The following GPX6 variants were observed in gnomAD, a reference collection of about 807,000 sequenced individuals.
The protein encoded by GPX6 is glutathione peroxidase 6.
In GPX6, 21 loss-of-function variants were observed where a neutral mutation model predicts 20.0. That is an observed-to-expected ratio of 1.05 (90% confidence interval 0.74 to 1.51). The LOEUF is 1.51. GPX6 is among the 40% of genes most tolerant of loss of function. The probability of loss-of-function intolerance (pLI) is 0.00; values close to 1 mark genes in which losing one functional copy is unlikely to be tolerated. For synonymous variants in GPX6, 75 were observed against 98.0 expected (o/e 0.77, Z 1.38); for missense variants, 233 against 254.7 (o/e 0.91, Z 0.58).
chr6:28,511,762 G>T (rs1020107261), intron 1 of GPX6, among the ~76,000 whole-genome samples: 3 of 152,262 alleles, frequency 2.0e-5, no homozygotes, highest in African/African-American at 7.2e-5. Context: ...CCTTCAGCCC[G>T]CGGCTGCACT....
chr6:28,513,346 G>A lies in GPX6; in HGVS notation c.87+2311C>T, dbSNP rs34931542. 8.5e-3 allele frequency among the ~76,000 whole-genome samples: 1,299 copies of A among 152,280 alleles called. 12 individuals carry two copies. The highest frequency in any genetic ancestry group is 0.066 in the East Asian group (339 of 5,172). On this transcript the variant is annotated intron_variant, in intron 1 of 4. Transcript: ENST00000361902. ...GTAACACACGCCCACTGGGGCTTCA[G>A]TTGTAAACATTCACTCCTAGACACT... is the stretch of plus-strand genomic sequence containing the variant.
chr6:28,510,755 A>T lies in GPX6; in HGVS notation c.237T>A (p.Tyr79Ter). 2 of 1,613,370 alleles carry T rather than the reference A, an allele frequency of 1.2e-6. No individual in the cohort carries two copies. Among genetic ancestry groups the T allele is most frequent in the Non-Finnish European group, 1.7e-6 (2 of 1,179,854 alleles). Reference protein sequence around the residue: ...VAAYUGLAAQYPELNALQEEL... With the variant: ...VAAYUGLAAQ Reference sequence around the variant, plus strand: ...AGTTGAAACGTGAGTTCTTACCAGGATACTGAGCTGCCAAGCCTCAATAGG... The same window carrying T: ...AGTTGAAACGTGAGTTCTTACCAGGTTACTGAGCTGCCAAGCCTCAATAGG... Residue 79 changes from tyrosine (Y) to a stop codon, truncating the protein, a stop_gained, in exon 2 of 5, where the codon TAT becomes TAA. Coordinates refer to ENST00000361902, the MANE Select transcript of GPX6 (RefSeq NM_182701.1). LOFTEE classifies it high-confidence loss of function.
intron 1 of GPX6, among the ~76,000 whole-genome samples, chr6:28,514,465 C>G (rs1354817745): frequency 2.0e-5 from 3 of 152,126 alleles, no homozygotes; most frequent in South Asian, 2.1e-4. Context: ...ATCTGATGAC[C>G]CTTGGAGGTT....
chr6:28,507,079 A>T (rs977858009), intron 2 of GPX6, among the ~76,000 whole-genome samples: 1 of 152,150 alleles, frequency 6.6e-6, no homozygotes, highest in South Asian at 2.1e-4. Flanking sequence ...ATGCCCTGGA[A>T]CACTCCCTGG....
At chr6:28,508,768 C>T (rs762808525) in intron 2 of GPX6, among the ~76,000 whole-genome samples, 28 of 152,262 alleles carry the variant, frequency 1.8e-4, no homozygotes, top group Non-Finnish European at 4.1e-4. Context: ...GATTGTGCCC[C>T]TGCACTCCAG....
At position 28,503,914 on chromosome 6, in the gene GPX6, G is replaced by A. The variant is rs905438336; in HGVS notation, c.*378C>T. 1.1e-5 allele frequency: 2 copies of A among 177,950 alleles called. No individual in the cohort carries two copies. The highest frequency in any genetic ancestry group is 4.7e-5 in the African/African-American group (2 of 42,138). The allele number at this position is 177,950 out of a possible 1,614,324, so 11.0% of individuals were successfully genotyped here. A position where few individuals can be genotyped will look rare whatever the true frequency, so the allele number is the denominator to read the frequency against. Reference sequence around the variant, plus strand: ...CAACTTCTCGGGATTGCTTTTTTAGGGACACAGGATAGTCTGATTCATCTA... The same window carrying A: ...CAACTTCTCGGGATTGCTTTTTTAGAGACACAGGATAGTCTGATTCATCTA... On this transcript the variant is annotated 3_prime_UTR_variant, in exon 5 of 5. Transcript: ENST00000361902.
intron 1 of GPX6, among the ~76,000 whole-genome samples, chr6:28,512,635 C>A (rs1762908000): frequency 6.6e-6 from 1 of 152,188 alleles, no homozygotes; most frequent in African/African-American, 2.4e-5. Flanking sequence ...AGTGGCAGCC[C>A]CCGTGGGTCC....
intron 1 of GPX6, among the ~76,000 whole-genome samples, chr6:28,513,170 A>C (rs1410588671): frequency 6.6e-6 from 1 of 152,152 alleles, no homozygotes; most frequent in Non-Finnish European, 1.5e-5. Context: ...AAAACCTTGC[A>C]CTTATTCTCC....
rs1762806620 is a variant in GPX6 at position 28,506,371 on chromosome 6, G to A, written c.300C>T (p.Pro100=). 2.5e-6 allele frequency: 4 copies of A among 1,613,998 alleles called. No homozygotes were observed. The highest frequency in any genetic ancestry group is 3.4e-6 in the Non-Finnish European group (4 of 1,179,898). The part of the protein sequence containing the change: ...KNFGVIVLAF[P]CNQFGKQEPG... ...GTTCTTGTTTTCCAAACTGGTTGCA[G>A]GGAAAGGCCAACACAATGACACCAA... Residue 100 remains proline (P), a synonymous_variant, in exon 3 of 5, where the codon CCC becomes CCT. Transcript: ENST00000361902.
intron 1 of GPX6, among the ~76,000 whole-genome samples, chr6:28,511,259 T>C (rs1442462201): frequency 6.6e-6 from 1 of 152,230 alleles, no homozygotes; most frequent in Non-Finnish European, 1.5e-5. Context: ...TTAACAGATT[T>C]TGCAGGATTT....
intron 1 of GPX6, among the ~76,000 whole-genome samples, chr6:28,513,220 A>G (rs1296120257): frequency 2.6e-5 from 4 of 152,194 alleles, no homozygotes; most frequent in Non-Finnish European, 2.9e-5. Context: ...AAACCAAGGC[A>G]AGATCCCTGG....
intron 1 of GPX6, among the ~76,000 whole-genome samples, chr6:28,512,629 G>A (rs1562001450): frequency 6.6e-6 from 1 of 152,200 alleles, no homozygotes; most frequent in Non-Finnish European, 1.5e-5. Flanking sequence ...GCCAGCAGTG[G>A]CAGCCCCCGT....
At chr6:28,512,665 T>C (rs1312870158) in intron 1 of GPX6, among the ~76,000 whole-genome samples, 1 of 152,146 alleles carries the variant, frequency 6.6e-6, no homozygotes, top group African/African-American at 2.4e-5. Context: ...CTGTGGGAGC[T>C]TTGTTCTTTC....
Position 28,504,020 on chromosome 6 carries a change from C to G in GPX6, c.*272G>C. 2.7e-6 allele frequency: 1 copy of G among 374,536 alleles called. No homozygotes were observed. Among genetic ancestry groups the G allele is most frequent in the African/African-American group, 2.8e-5 (1 of 36,180 alleles). The allele number at this position is 374,536 out of a possible 1,614,324, so 23.2% of individuals were successfully genotyped here. Reference sequence around the variant, plus strand: ...GATAGGTGTTCTTTTCCTTAATCTTCAAACACACACACACACACACACACA... The same window carrying G: ...GATAGGTGTTCTTTTCCTTAATCTTGAAACACACACACACACACACACACA... On this transcript the variant is annotated 3_prime_UTR_variant, in exon 5 of 5. Coordinates refer to ENST00000361902, the MANE Select transcript of GPX6 (RefSeq NM_182701.1).
intron 1 of GPX6, among the ~76,000 whole-genome samples, chr6:28,512,952 T>C (rs1416742992): frequency 6.6e-6 from 1 of 151,730 alleles, no homozygotes; most frequent in South Asian, 2.1e-4. Flanking sequence ...CATCCGAACA[T>C]CAGAAGGAAC....
chr6:28,510,850 G>C lies in GPX6; in HGVS notation c.142C>G (p.Leu48Val), dbSNP rs1393352377. Residue 48 changes from leucine to valine, a missense_variant, in exon 2 of 5, where the codon CTC becomes GTC. Coordinates refer to ENST00000361902, the MANE Select transcript of GPX6 (RefSeq NM_182701.1). ...AATTGGATGTACTCCTCGCCGTTGA[G>C]GGTGAGGGCTCCATACTCATAGATG... Reference protein sequence around the residue: ...GTIYEYGALTLNGEEYIQFKQ... With the variant: ...GTIYEYGALTVNGEEYIQFKQ... 1.2e-6 allele frequency: 2 copies of C among 1,613,838 alleles called. No homozygotes were observed. The highest frequency in any genetic ancestry group is 2.2e-5 in the East Asian group (1 of 44,870).
chr6:28,507,281 C>G (rs1762816307), intron 2 of GPX6, among the ~76,000 whole-genome samples: 1 of 152,228 alleles, frequency 6.6e-6, no homozygotes, highest in African/African-American at 2.4e-5. Flanking sequence ...AGAACCTCCT[C>G]TTAAATAGAG....
chr6:28,504,462 A>C lies in GPX6; in HGVS notation c.496T>G (p.Ser166Ala). 1 of 1,614,178 alleles carries C rather than the reference A, an allele frequency of 6.2e-7. No individual in the cohort carries two copies. Among genetic ancestry groups the C allele is most frequent in the Non-Finnish European group, 8.5e-7 (1 of 1,180,048 alleles). The change falls in exon 5 of 5, where the codon TCA becomes GCA. Residue 166 changes from serine (S) to alanine (A), a missense_variant. Transcript: ENST00000361902. The part of the protein sequence containing the change: ...CPPTSDLLGS[S>A]SQLFWEPMKV... ...ATGGGCTCCCAGAAGAGTTGGCTTG[A>C]TGAGCCCAAAAGATCAGAGGTCGGA...
chr6:28,504,191 A>G lies in GPX6; in HGVS notation c.*101T>C. ...TGGTTTGGTCATCAGGAGGCTGGGT[A>G]GGCACGAGTGTGGAGCAAAGAAGGA... On this transcript the variant is annotated 3_prime_UTR_variant, in exon 5 of 5. Coordinates refer to ENST00000361902, the MANE Select transcript of GPX6 (RefSeq NM_182701.1). The G allele has an allele frequency of 8.7e-7, 1 of 1,150,164 alleles. No individual in the cohort carries two copies. The highest frequency in any genetic ancestry group is 1.3e-6 in the Non-Finnish European group (1 of 785,538). The allele number at this position is 1,150,164 out of a possible 1,614,324, so 71.2% of individuals were successfully genotyped here.
Sources: gnomAD v4.1 joint callset for allele counts (sites outside exome capture counted in the v4.1 genomes callset) on GRCh38, gnomAD v4.1.1 for gene constraint, MANE v1.5 for transcripts, NCBI Gene and HGNC (gene_info 2026-07-23, HGNC 2026-07-21) for gene names.